CELF4: variants seen among roughly 807,000 people sequenced by gnomAD.
CELF4 encodes CUGBP Elav-like family member 4.
Under a neutral mutation model 59.9 loss-of-function variants are expected in CELF4, and 18 were observed. That is an observed-to-expected ratio of 0.30 (90% CI 0.21 to 0.45). CELF4 has a LOEUF of 0.45. Ranked by LOEUF, CELF4 falls within the 20% of genes least tolerant of loss-of-function variation. The pLI, the probability that CELF4 is intolerant of heterozygous loss-of-function variation, is 1.00. For missense variants in CELF4, 456 were observed against 689.0 expected (o/e 0.66, Z 3.79); for synonymous variants, 261 against 267.1 (o/e 0.98, Z 0.22).
intron 2 of CELF4, among the ~76,000 whole-genome samples, chr18:37,323,834 G>T (rs148502696): frequency 7.0e-4 from 107 of 152,290 alleles, no homozygotes; most frequent in African/African-American, 2.4e-3. Flanking sequence ...TCTGAGGAGC[G>T]GCAGAGCTGG....
chr18:37,506,110 T>C (rs2099937666), intron 1 of CELF4, among the ~76,000 whole-genome samples: 1 of 145,114 alleles, frequency 6.9e-6, no homozygotes, highest in East Asian at 2.2e-4. Context: ...TGGCATTCTC[T>C]GTTCCTTCTC....
chr18:37,309,321 C>T (rs1010820143), intron 3 of CELF4, among the ~76,000 whole-genome samples: 1 of 152,204 alleles, frequency 6.6e-6, no homozygotes, highest in African/African-American at 2.4e-5. Flanking sequence ...CTTCTCCAAG[C>T]TCTCATTTTC....
intron 2 of CELF4, among the ~76,000 whole-genome samples, chr18:37,345,777 T>TA (rs919750643): frequency 2.6e-5 from 4 of 151,988 alleles, no homozygotes; most frequent in Non-Finnish European, 5.9e-5. Flanking sequence ...TGGGGACCCC[T>TA]GATATAGAAA....
At position 37,244,966 on chromosome 18, in the gene CELF4, T is replaced by G. The variant is rs1353614831; in HGVS notation, c.*276A>C. The G allele has an allele frequency of 2.6e-5, 4 of 152,580 alleles. No individual in the cohort carries two copies. Among genetic ancestry groups the G allele is most frequent in the Non-Finnish European group, 5.9e-5 (4 of 68,072 alleles). 9.5% of individuals were successfully genotyped at this position (152,580 alleles called of 1,614,324 possible). The stretch of plus-strand genomic sequence containing the variant: ...CCTTTTGTGTGTTTTTTTCTCATTT[T>G]TCTTCATCTTCTTCTTCATGTCATA... On this transcript the variant is annotated 3_prime_UTR_variant, in exon 13 of 13. Transcript: ENST00000420428.
At chr18:37,396,132 A>G (rs891233002) in intron 2 of CELF4, among the ~76,000 whole-genome samples, 22 of 152,348 alleles carry the variant, frequency 1.4e-4, no homozygotes, top group Admixed American at 1.2e-3. Context: ...CTCTCTGTCC[A>G]TAAGTACAAG....
chr18:37,445,734 T>C (rs920966728), intron 2 of CELF4, among the ~76,000 whole-genome samples: 1 of 152,052 alleles, frequency 6.6e-6, no homozygotes, highest in Non-Finnish European at 1.5e-5. Context: ...ATAAGTCCGA[T>C]GCATTCCGTG....
intron 2 of CELF4, 93 bp downstream of exon 2, chr18:37,485,432 G>GCCC (rs2099879066): frequency 9.6e-6 from 6 of 626,038 alleles, no homozygotes; most frequent in South Asian, 6.9e-5. Flanking sequence ...GCGCCCTGCC[G>GCCC]TCCTCTCCCC....
At chr18:37,280,262 G>A (rs12326298) in intron 3 of CELF4, among the ~76,000 whole-genome samples, 68,811 of 136,824 alleles carry the variant, frequency 0.5, 15,733 homozygotes, top group East Asian at 0.68. Context: ...GGAGGGGCTG[G>A]ACAAAACCCC....
intron 2 of CELF4, among the ~76,000 whole-genome samples, chr18:37,445,192 C>T (rs2099744806): frequency 6.6e-6 from 1 of 152,166 alleles, no homozygotes; most frequent in East Asian, 1.9e-4. Flanking sequence ...TAGGATCCTA[C>T]ATCCTCCCCT....
At chr18:37,353,233 A>AAAAAATAT (rs71168258) in intron 2 of CELF4, among the ~76,000 whole-genome samples, 9 of 106,968 alleles carry the variant, frequency 8.4e-5, no homozygotes, top group East Asian at 5.6e-4. Context: ...AAAAAAAAAA[A>AAAAAATAT]ATATATATAT....
chr18:37,494,169 C>G (rs1314705738), intron 1 of CELF4, among the ~76,000 whole-genome samples: 1 of 152,204 alleles, frequency 6.6e-6, no homozygotes, highest in Non-Finnish European at 1.5e-5. Flanking sequence ...GCCAAGTGTC[C>G]ATCCTTTCCA....
intron 3 of CELF4, among the ~76,000 whole-genome samples, chr18:37,286,731 A>T (rs2094817878): frequency 6.6e-6 from 1 of 152,036 alleles, no homozygotes; most frequent in Non-Finnish European, 1.5e-5. Flanking sequence ...ATGAAGAGAG[A>T]CTGATCTGGC....
intron 2 of CELF4, among the ~76,000 whole-genome samples, chr18:37,328,115 A>T (rs767154542): frequency 1.3e-5 from 2 of 152,094 alleles, no homozygotes; most frequent in East Asian, 3.9e-4. Flanking sequence ...CAGGGCCCCT[A>T]CTCATGGATC....
Position 37,243,599 on chromosome 18 carries a change from C to A in CELF4, c.*1643G>T, listed in dbSNP as rs2061006247. 1 of 151,930 alleles carries A rather than the reference C, an allele frequency of 6.6e-6. No homozygotes were observed. The highest frequency in any genetic ancestry group is 6.5e-5 in the Admixed American group (1 of 15,272). The allele number at this position is 151,930 out of a possible 1,614,324, so 9.4% of individuals were successfully genotyped here. On this transcript the variant is annotated 3_prime_UTR_variant, in exon 13 of 13. Coordinates refer to ENST00000420428, the MANE Select transcript of CELF4 (RefSeq NM_020180.4). ...ATTAAATAGTTTTCCTTGTTTTTTT[C>A]TCTATCATTACAATTAAAAGTCCTA...
intron 1 of CELF4, among the ~76,000 whole-genome samples, chr18:37,487,352 C>T (rs553694479): frequency 8.9e-4 from 135 of 152,284 alleles, no homozygotes; most frequent in African/African-American, 3.1e-3. Context: ...GCCTGGGAGA[C>T]AGAAACTCTC....
In CELF4 at chr18:37,485,545, C is replaced by G. The variant is rs866966021; in HGVS notation, c.349G>C (p.Glu117Gln). The G allele has an allele frequency of 7.0e-7, 1 of 1,420,616 alleles. No homozygotes were observed. Among genetic ancestry groups the G allele is most frequent in the Admixed American group, 2.4e-5 (1 of 42,344 alleles). The allele number at this position is 1,420,616 out of a possible 1,614,324, so 88.0% of individuals were successfully genotyped here. The change falls in exon 2 of 13, where the codon GAG becomes CAG. Residue 117 changes from glutamate (E) to glutamine (Q), a missense_variant. Glu to Gln is a conservative substitution (Grantham distance 29). This residue lies in a region of CELF4 where 63 missense variants were observed against 110.6 expected (regional missense o/e 0.57). Coordinates refer to ENST00000420428, the MANE Select transcript of CELF4 (RefSeq NM_020180.4). Reference sequence around the variant, plus strand: ...CTTACCCCGGGCAGAGTCTTCTGCTCGTGCAGCGCGCTCTGGGCCTTCAGC... The same window carrying G: ...CTTACCCCGGGCAGAGTCTTCTGCTGGTGCAGCGCGCTCTGGGCCTTCAGC... ...SALKAQSALH[E>Q]QKTLPGMNRP...
chr18:37,564,472 C>T (rs2099987530), intron 1 of CELF4, among the ~76,000 whole-genome samples: 1 of 152,170 alleles, frequency 6.6e-6, no homozygotes, highest in African/African-American at 2.4e-5. Context: ...ATTATTCTGT[C>T]TCCCCCTCCC....
intron 2 of CELF4, among the ~76,000 whole-genome samples, chr18:37,451,604 C>A (rs375501022): frequency 3.1e-4 from 47 of 152,306 alleles, no homozygotes; most frequent in East Asian, 2.5e-3. Flanking sequence ...CCACAGGACC[C>A]TCTGCTGGCA....
At chr18:37,538,315 G>A (rs575726395) in intron 1 of CELF4, among the ~76,000 whole-genome samples, 1 of 152,316 alleles carries the variant, frequency 6.6e-6, no homozygotes, top group East Asian at 1.9e-4. Flanking sequence ...TGGGCAAGCT[G>A]TCCAACCTCT....
Sources: allele counts gnomAD v4.1 joint callset (sites outside exome capture counted in the v4.1 genomes callset), GRCh38; gene constraint gnomAD v4.1.1; regional missense constraint gnomAD v4.1.1; transcripts MANE v1.5; gene names NCBI Gene and HGNC (gene_info 2026-07-23, HGNC 2026-07-21).